PRKAA1: variants seen among roughly 807,000 people sequenced by gnomAD.
PRKAA1 encodes protein kinase AMP-activated catalytic subunit alpha 1.
PRKAA1 carries 23 observed loss-of-function variants against 56.9 expected under a neutral mutation model. The ratio of observed to expected loss-of-function variants is 0.40; its 90% CI spans 0.29 to 0.57. PRKAA1 has a LOEUF of 0.57. PRKAA1 is among the 20% of genes least tolerant of loss of function. PRKAA1 has a pLI of 0.39. For missense variants in PRKAA1, 413 were observed against 679.7 expected (o/e 0.61, Z 4.36); for synonymous variants, 226 against 227.0 (o/e 1.00, Z 0.04).
At chr5:40,793,203 C>T (rs924494829) in intron 1 of PRKAA1, among the ~76,000 whole-genome samples, 1 of 152,144 alleles carries the variant, frequency 6.6e-6, no homozygotes, top group African/African-American at 2.4e-5. Context: ...ACAAAGACTG[C>T]CATTTTAATG....
rs1743954600 is a variant in PRKAA1, at chr5:40,775,428, A to G, written c.345T>C (p.Tyr115=). The change falls in exon 3 of 9, where the codon TAT becomes TAC. Residue 115 remains tyrosine, a synonymous_variant. Transcript: ENST00000397128. ...EYVSGGELFD[Y]ICKNGRLDEK... is the part of the protein sequence containing the mutation. ...AGCTTACCCTTCCATTCTTACAGAT[A>G]TAATCAAATAGCTCTCCTCCTGAGA... The G allele has an allele frequency of 6.2e-7, 1 of 1,600,096 alleles. No homozygotes were observed. Among genetic ancestry groups the G allele is most frequent in the South Asian group, 1.1e-5 (1 of 90,758 alleles).
intron 4 of PRKAA1, among the ~76,000 whole-genome samples, chr5:40,770,052 C>G (rs1743657161): frequency 6.6e-6 from 1 of 151,506 alleles, no homozygotes; most frequent in South Asian, 2.1e-4. Flanking sequence ...AACAAAACAC[C>G]AAAACAACCA....
At chr5:40,785,835 C>CAGAGAGAGAGAGAGAGAG (rs765908317) in intron 1 of PRKAA1, among the ~76,000 whole-genome samples, 3 of 142,028 alleles carry the variant, frequency 2.1e-5, no homozygotes, top group African/African-American at 5.3e-5. Flanking sequence ...CACACACACA[C>CAGAGAGAGAGAGAGAGAG]ACACAGAGAG....
intron 1 of PRKAA1, among the ~76,000 whole-genome samples, chr5:40,785,890 C>A (rs1744460325): frequency 6.7e-6 from 1 of 150,012 alleles, no homozygotes; most frequent in African/African-American, 2.5e-5. Context: ...CAAGCGAGCG[C>A]AGCCATTTGA....
intron 3 of PRKAA1, among the ~76,000 whole-genome samples, chr5:40,772,612 T>G (rs1411914572): frequency 2.0e-5 from 3 of 151,466 alleles, no homozygotes; most frequent in Non-Finnish European, 1.5e-5. Context: ...GTTTTTTGTG[T>G]TTTTTTGGGG....
At chr5:40,778,401 A>T (rs1369217233) in intron 1 of PRKAA1, among the ~76,000 whole-genome samples, 1 of 152,234 alleles carries the variant, frequency 6.6e-6, no homozygotes, top group Admixed American at 6.5e-5. Flanking sequence ...AGGAGAATAC[A>T]TAAGAAATTG....
At position 40,772,446 on chromosome 5, in the gene PRKAA1, T is replaced by G. The variant is rs1219895127; in HGVS notation, c.364-583A>C. ...TGAGGAAGTAATATTTAAGCACTAT[T>G]CATAAACCAGCAAGCAACTATGTTG... On this transcript the variant is annotated intron_variant, in intron 3 of 8. Coordinates refer to ENST00000397128, the MANE Select transcript of PRKAA1 (RefSeq NM_006251.6). Among the ~76,000 whole-genome samples the G allele has an allele frequency of 2.0e-5, 3 of 148,878 alleles. No individual in the cohort carries two copies. The East Asian group carries it at 5.8e-4, about 29-fold the overall frequency.
At chr5:40,784,603 CT>C (rs956289663) in intron 1 of PRKAA1, among the ~76,000 whole-genome samples, 1 of 152,112 alleles carries the variant, frequency 6.6e-6, no homozygotes, top group African/African-American at 2.4e-5. Context: ...AACAAGGGCT[CT>C]TTTTTTAACA....
chr5:40,779,904 G>A (rs1289956785), intron 1 of PRKAA1, among the ~76,000 whole-genome samples: 3 of 141,980 alleles, frequency 2.1e-5, no homozygotes, highest in African/African-American at 5.0e-5. Flanking sequence ...CAAAAAAAAA[G>A]TGCATAAAAT....
Position 40,764,480 on chromosome 5 carries a change from G to A in PRKAA1, c.1435+34C>T, listed in dbSNP as rs758358284. The A allele has an allele frequency of 1.1e-5, 17 of 1,577,112 alleles. No homozygotes were observed. The Admixed American group carries it at 1.6e-4, about 15-fold the overall frequency. ...CGTAAAATACCAAGTTAGTAACAAG[G>A]TCTAATCTATGTTGTTTTGTGTGAT... On this transcript the variant is annotated intron_variant, in intron 8 of 8. Transcript: ENST00000397128.
At chr5:40,779,128 A>AG (rs3834834) in intron 1 of PRKAA1, among the ~76,000 whole-genome samples, 2 of 151,928 alleles carry the variant, frequency 1.3e-5, no homozygotes, top group Non-Finnish European at 2.9e-5. Flanking sequence ...TTAAAAATAA[A>AG]GGGAAAAAAA....
At chr5:40,777,353 G>A (rs1249941770) in intron 2 of PRKAA1, 92 bp downstream of exon 2, 19 of 1,370,978 alleles carry the variant, frequency 1.4e-5, no homozygotes, top group Non-Finnish European at 1.8e-5. Context: ...ACAAAAAGAA[G>A]TGTCAGTCAT....
chr5:40,794,216 T>C (rs1744833346), intron 1 of PRKAA1, among the ~76,000 whole-genome samples: 1 of 152,214 alleles, frequency 6.6e-6, no homozygotes, highest in South Asian at 2.1e-4. Context: ...CACATTGTGG[T>C]TCTGATTTGC....
intron 8 of PRKAA1, 152 bp downstream of exon 8, chr5:40,764,362 T>G: frequency 1.5e-6 from 1 of 675,324 alleles, no homozygotes; most frequent in Non-Finnish European, 2.4e-6. Flanking sequence ...GATTCATAAA[T>G]GTTAATATTG....
intron 1 of PRKAA1, among the ~76,000 whole-genome samples, chr5:40,785,262 G>A (rs186175256): frequency 9.9e-5 from 15 of 151,868 alleles, no homozygotes; most frequent in Admixed American, 5.2e-4. Flanking sequence ...TTTTTGAGAC[G>A]GAGTTTTGCT....
intron 1 of PRKAA1, among the ~76,000 whole-genome samples, chr5:40,783,862 T>C (rs1046059439): frequency 6.6e-6 from 1 of 152,204 alleles, no homozygotes; most frequent in African/African-American, 2.4e-5. Flanking sequence ...CTAATTCCAA[T>C]TGCACATGTG....
At chr5:40,790,525 C>CTT (rs1554033592) in intron 1 of PRKAA1, among the ~76,000 whole-genome samples, 1 of 112,028 alleles carries the variant, frequency 8.9e-6, no homozygotes, top group Non-Finnish European at 1.8e-5. Flanking sequence ...TCAACTCTTT[C>CTT]TTTTTTTTTT....
intron 1 of PRKAA1, among the ~76,000 whole-genome samples, chr5:40,778,740 T>C (rs1744130998): frequency 6.6e-6 from 1 of 151,662 alleles, no homozygotes; most frequent in Non-Finnish European, 1.5e-5. Flanking sequence ...CTAGTTTTTT[T>C]GGTTTCTCTG....
chr5:40,762,572 T>A lies in PRKAA1; in HGVS notation c.*206A>T. ...TGTGTATATTATGCTATATACATACTGCACAATGAACAACAAAATGATCTT... is the reference window on the plus strand; with the variant it reads ...TGTGTATATTATGCTATATACATACAGCACAATGAACAACAAAATGATCTT... On this transcript the variant is annotated 3_prime_UTR_variant, in exon 9 of 9. Coordinates refer to ENST00000397128, the MANE Select transcript of PRKAA1 (RefSeq NM_006251.6). The A allele has an allele frequency of 1.6e-6, 1 of 608,348 alleles. No individual in the cohort carries two copies. The highest frequency in any genetic ancestry group is 3.1e-5 in the Admixed American group (1 of 32,406). The allele number at this position is 608,348 out of a possible 1,614,324, so 37.7% of individuals were successfully genotyped here.
Sources: gnomAD v4.1 joint callset for allele counts (sites outside exome capture counted in the v4.1 genomes callset) on GRCh38, gnomAD v4.1.1 for gene constraint, MANE v1.5 for transcripts, NCBI Gene and HGNC (gene_info 2026-07-23, HGNC 2026-07-21) for gene names.